The following ANO4 variants were observed in gnomAD, a reference collection of about 807,000 sequenced individuals.
ANO4 encodes the protein anoctamin-4.
Under a neutral mutation model 141.9 loss-of-function variants are expected in ANO4, and 69 were observed. That is an observed-to-expected ratio of 0.49 (90% CI 0.40 to 0.59). The LOEUF (loss-of-function observed/expected upper bound fraction) is 0.59. Among genes scored for constraint, ANO4 ranks in the 20% least tolerant of loss-of-function variants. The pLI is 0.00. For missense variants in ANO4, 894 were observed against 1,162.2 expected (o/e 0.77, Z 3.36); for synonymous variants, 350 against 394.3 (o/e 0.89, Z 1.33).
intron 8 of ANO4, among the ~76,000 whole-genome samples, chr12:101,015,301 T>C (rs891901732): frequency 1.3e-5 from 2 of 152,168 alleles, no homozygotes; most frequent in Admixed American, 1.3e-4. Flanking sequence ...CACAAGCAAA[T>C]ATGCCTATCA....
chr12:100,836,467 A>G (rs1285074089), intron 1 of ANO4, among the ~76,000 whole-genome samples: 1 of 151,074 alleles, frequency 6.6e-6, no homozygotes, highest in African/African-American at 2.4e-5. Flanking sequence ...CATTAGGTAT[A>G]TCTCCTAATG....
intron 1 of ANO4, among the ~76,000 whole-genome samples, chr12:100,863,401 T>C (rs2038585153): frequency 6.6e-6 from 1 of 152,166 alleles, no homozygotes; most frequent in South Asian, 2.1e-4. Flanking sequence ...TGACTTTCAA[T>C]ACTCAGCTCA....
chr12:100,958,399 A>G (rs1194237508), intron 5 of ANO4, among the ~76,000 whole-genome samples: 1 of 152,194 alleles, frequency 6.6e-6, no homozygotes, highest in Non-Finnish European at 1.5e-5. Flanking sequence ...TTCAATCATT[A>G]AAAAATCATA....
chr12:101,076,372 G>C (rs1349872976), intron 14 of ANO4, among the ~76,000 whole-genome samples: 2 of 152,124 alleles, frequency 1.3e-5, no homozygotes, highest in Non-Finnish European at 2.9e-5. Flanking sequence ...CTGGTGCCTT[G>C]ATCTTATATT....
intron 5 of ANO4, 63 bp downstream of exon 5, chr12:100,942,598 A>C: frequency 6.6e-7 from 1 of 1,518,068 alleles, no homozygotes; most frequent in Non-Finnish European, 8.9e-7. Context: ...AGAGGCAATA[A>C]GAAATAAGCA....
At chr12:100,801,898 A>G (rs1217761154) in intron 1 of ANO4, among the ~76,000 whole-genome samples, 1 of 152,180 alleles carries the variant, frequency 6.6e-6, no homozygotes, top group Non-Finnish European at 1.5e-5. Context: ...CCAAATAGAA[A>G]TTTGTTTGGA....
chr12:101,042,296 C>T (rs1449677870), intron 11 of ANO4, 38 bp from the exon 12 acceptor site: 3 of 1,612,964 alleles, frequency 1.9e-6, no homozygotes, highest in Non-Finnish European at 2.5e-6. Flanking sequence ...ACTTTACACA[C>T]TGCACTGTAA....
intron 1 of ANO4, among the ~76,000 whole-genome samples, chr12:100,865,942 T>C (rs1593564119): frequency 6.6e-6 from 1 of 152,236 alleles, no homozygotes; most frequent in Non-Finnish European, 1.5e-5. Flanking sequence ...GATGATTTCA[T>C]AGGAAAGCCA....
intron 1 of ANO4, among the ~76,000 whole-genome samples, chr12:100,834,601 C>T (rs2036807219): frequency 1.3e-5 from 2 of 152,028 alleles, no homozygotes; most frequent in African/African-American, 4.8e-5. Context: ...GCAGTGTATA[C>T]ATAAACATTC....
chr12:101,048,476 T>C, intron 14 of ANO4, 75 bp downstream of exon 14: 1 of 1,350,664 alleles, frequency 7.4e-7, no homozygotes, highest in Admixed American at 2.0e-5. Context: ...AGTTTCACTT[T>C]GGATGTGAAA....
At chr12:100,991,783 T>G (rs2045121758) in intron 8 of ANO4, among the ~76,000 whole-genome samples, 2 of 152,288 alleles carry the variant, frequency 1.3e-5, no homozygotes, top group South Asian at 2.1e-4. Flanking sequence ...TTAATAATGA[T>G]TTTTTAAATG....
At chr12:100,990,018 T>TGGAC (rs2045014438) in intron 8 of ANO4, among the ~76,000 whole-genome samples, 2 of 151,286 alleles carry the variant, frequency 1.3e-5, no homozygotes, top group African/African-American at 4.9e-5. Context: ...GATGGATGGA[T>TGGAC]GGATGGACAG....
intron 1 of ANO4, among the ~76,000 whole-genome samples, chr12:100,811,064 A>G (rs113820717): frequency 1.5e-4 from 23 of 152,248 alleles, no homozygotes; most frequent in African/African-American, 5.1e-4. Context: ...GGAGCCTGAG[A>G]ATTTTCAGGA....
chr12:101,022,741 A>G (rs1360343938), intron 9 of ANO4, among the ~76,000 whole-genome samples: 1 of 151,222 alleles, frequency 6.6e-6, no homozygotes, highest in Non-Finnish European at 1.5e-5. Context: ...ACAACTTATG[A>G]CTCTTTTTTT....
At chr12:101,025,103 T>A (rs2046679355) in intron 9 of ANO4, among the ~76,000 whole-genome samples, 2 of 152,276 alleles carry the variant, frequency 1.3e-5, no homozygotes, top group South Asian at 4.1e-4. Flanking sequence ...GATCAACATG[T>A]TAAACTTCCA....
At chr12:100,864,586 A>G (rs1490524001) in intron 1 of ANO4, among the ~76,000 whole-genome samples, 2 of 152,042 alleles carry the variant, frequency 1.3e-5, no homozygotes, top group Admixed American at 1.3e-4. Context: ...TCTCACTCAC[A>G]CACCCACACA....
chr12:100,789,356 A>G (rs1229583200), intron 3 of ANO4, among the ~76,000 whole-genome samples: 1 of 152,208 alleles, frequency 6.6e-6, no homozygotes. Context: ...GAATGACATA[A>G]GTGCTGAGTC....
intron 1 of ANO4, among the ~76,000 whole-genome samples, chr12:100,838,395 T>A (rs1387488777): frequency 1.3e-5 from 2 of 152,004 alleles, no homozygotes; most frequent in Non-Finnish European, 2.9e-5. Context: ...CTGACAATCA[T>A]AGGGAAAAAG....
At position 101,125,831 on chromosome 12, in the gene ANO4, C is replaced by T. The variant is rs1046079329; in HGVS notation, c.2677-1048C>T. Among the ~76,000 whole-genome samples the T allele has an allele frequency of 2.6e-5, 4 of 151,736 alleles. No individual in the cohort carries two copies. The East Asian group carries it at 5.8e-4, about 22-fold the overall frequency. On this transcript the variant is annotated intron_variant, in intron 26 of 27. Transcript: ENST00000392977. ...TGAGGCTTTTTGCATCAATGTTCAT[C>T]GGGGATATTGGCCTGAAGTTTTTTT...
Sources: gnomAD v4.1 joint callset for allele counts (sites outside exome capture counted in the v4.1 genomes callset) on GRCh38, gnomAD v4.1.1 for gene constraint, MANE v1.5 for transcripts, NCBI Gene and HGNC (gene_info 2026-07-23, HGNC 2026-07-21) for gene names.